TLL1: variants seen among roughly 807,000 people sequenced by gnomAD.
The protein encoded by TLL1 is tolloid like 1, also known as tolloid-like protein 1.
Under a neutral mutation model 128.2 loss-of-function variants are expected in TLL1, and 49 were observed. The ratio of observed to expected loss-of-function variants is 0.38; its 90% confidence interval spans 0.30 to 0.48. The LOEUF is 0.48. Ranked by LOEUF, TLL1 falls within the 20% of genes least tolerant of loss-of-function variation. TLL1 has a pLI of 0.96. For missense variants in TLL1, 1,123 were observed against 1,242.0 expected, an observed-to-expected ratio of 0.90 and a Z score of 1.44; for synonymous variants, 454 against 418.8, an observed-to-expected ratio of 1.08 and a Z score of -1.03.
rs774811274 is a variant in TLL1, at chr4:166,091,098, T to TA, written c.2443-23dup. 9 of 1,574,786 alleles carry TA rather than the reference T, an allele frequency of 5.7e-6. No individual in the cohort carries two copies. In the African/African-American group the frequency reaches 1.2e-4, roughly 22 times the overall value. ...TCATTTTGAGTGATTTGTTTTTTTT[T>TA]AAAAAAATTATTTCTTCTTTTTAAA... On this transcript the variant is annotated intron_variant, in intron 18 of 20. Transcript: ENST00000061240.
chr4:166,077,788 T>TA, intron 17 of TLL1, 115 bp from the exon 18 acceptor site: 1 of 1,415,680 alleles, frequency 7.1e-7, no homozygotes, highest in African/African-American at 1.4e-5. Flanking sequence ...GAGTGAAAAT[T>TA]AGCTGGTATT....
chr4:165,981,606 A>G (rs1191653888), intron 1 of TLL1, among the ~76,000 whole-genome samples: 1 of 152,036 alleles, frequency 6.6e-6, no homozygotes, highest in African/African-American at 2.4e-5. Flanking sequence ...AGTTATTTAT[A>G]AAGATTTTAT....
intron 1 of TLL1, among the ~76,000 whole-genome samples, chr4:165,924,798 C>T (rs1484267600): frequency 6.6e-6 from 1 of 152,180 alleles, no homozygotes; most frequent in South Asian, 2.1e-4. Flanking sequence ...GACAGGCTGA[C>T]TCTTTTGTTA....
In TLL1 at chr4:165,873,852, G is replaced by A. The variant is rs1172303684; in HGVS notation, c.-53G>A. 6 of 1,606,280 alleles carry A rather than the reference G, an allele frequency of 3.7e-6. No individual in the cohort carries two copies. Among genetic ancestry groups the A allele is most frequent in the Middle Eastern group, 2.2e-4 (1 of 4,550 alleles). On this transcript the variant is annotated 5_prime_UTR_variant, in exon 1 of 21. Coordinates refer to ENST00000061240, the MANE Select transcript of TLL1 (RefSeq NM_012464.5). ...CTAGCCCCGCACATCAGCGCGGACCGCGGCTGCCTAACCTCTGGGTCCCGT... is the reference window on the plus strand; with the variant it reads ...CTAGCCCCGCACATCAGCGCGGACCACGGCTGCCTAACCTCTGGGTCCCGT...
rs142906714 is a variant in TLL1, at chr4:166,088,735, G to A, written c.2443-2393G>A. 2.6e-3 allele frequency among the ~76,000 whole-genome samples: 389 copies of A among 152,208 alleles called. 1 individual carries two copies. The highest frequency in any genetic ancestry group is 0.01 in the Middle Eastern group (3 of 294). On this transcript the variant is annotated intron_variant, in intron 18 of 20. Transcript: ENST00000061240. ...TTACAGACTCAGTCTGATTCCACCAGTAATTTGATAAAGAGCTGTAGCCAG... is the reference window on the plus strand; with the variant it reads ...TTACAGACTCAGTCTGATTCCACCAATAATTTGATAAAGAGCTGTAGCCAG...
chr4:165,975,724 A>G (rs1263451481), intron 1 of TLL1, among the ~76,000 whole-genome samples: 1 of 152,110 alleles, frequency 6.6e-6, no homozygotes, highest in Non-Finnish European at 1.5e-5. Flanking sequence ...TCAATGGGAA[A>G]CTATTAGAAG....
intron 6 of TLL1, among the ~76,000 whole-genome samples, chr4:166,006,208 G>A (rs180709672): frequency 1.3e-5 from 2 of 151,848 alleles, no homozygotes; most frequent in Admixed American, 6.6e-5. Context: ...TCTAATTCAT[G>A]TTAGAATATG....
chr4:165,873,651 T>C lies in TLL1; in HGVS notation c.-254T>C, dbSNP rs976238756. 6.6e-5 allele frequency: 29 copies of C among 442,020 alleles called. No individual in the cohort carries two copies. Among genetic ancestry groups the C allele is most frequent in the Admixed American group, 1.8e-4 (5 of 27,728 alleles). 27.4% of individuals were successfully genotyped at this position (442,020 alleles called of 1,614,324 possible). ...GCCCTCCCCGCCTCCGAGTGCAGAG[T>C]TCCTTACCTGCCCTCCGCCCACCCG... On this transcript the variant is annotated 5_prime_UTR_variant, in exon 1 of 21. Coordinates refer to ENST00000061240, the MANE Select transcript of TLL1 (RefSeq NM_012464.5).
chr4:166,062,875 T>C (rs1209393442), intron 15 of TLL1, among the ~76,000 whole-genome samples: 1 of 152,172 alleles, frequency 6.6e-6, no homozygotes, highest in Non-Finnish European at 1.5e-5. Context: ...TAGCTGTTAT[T>C]ATTTTGAGAT....
intron 12 of TLL1, 63 bp downstream of exon 12, chr4:166,043,482 G>T: frequency 6.2e-7 from 1 of 1,601,658 alleles, no homozygotes; most frequent in South Asian, 1.1e-5. Flanking sequence ...GCATTTAAGA[G>T]AATCCTCATT....
In TLL1 at chr4:166,101,816, T is replaced by A. The variant is rs929247583; in HGVS notation, c.*940T>A. 5 of 152,460 alleles carry A rather than the reference T, an allele frequency of 3.3e-5. No homozygotes were observed. The highest frequency in any genetic ancestry group is 2.6e-4 in the Admixed American group (4 of 15,226). 9.4% of individuals were successfully genotyped at this position (152,460 alleles called of 1,614,324 possible). ...GTTATTGTTGTATTATTATTGTTGATGTTGTCATGGTTAATCTATTTTTTA... is the reference window on the plus strand; with the variant it reads ...GTTATTGTTGTATTATTATTGTTGAAGTTGTCATGGTTAATCTATTTTTTA... On this transcript the variant is annotated 3_prime_UTR_variant, in exon 21 of 21. Transcript: ENST00000061240.
At chr4:165,929,537 CA>C (rs71604413) in intron 1 of TLL1, among the ~76,000 whole-genome samples, 466 of 134,062 alleles carry the variant, frequency 3.5e-3, no homozygotes, top group South Asian at 0.01. Flanking sequence ...GACTCCATCT[CA>C]AAAAAAAAAA....
At chr4:165,943,536 C>T (rs1734112526) in intron 1 of TLL1, among the ~76,000 whole-genome samples, 1 of 151,958 alleles carries the variant, frequency 6.6e-6, no homozygotes, top group African/African-American at 2.4e-5. Flanking sequence ...AATAAAACTG[C>T]TTATCTCCTT....
rs565311034 is a variant in TLL1 at position 166,011,317 on chromosome 4, C to G, written c.918-3119C>G. ...GGGATCTTTGTCTCTTCTTTAATTT[C>G]TTTCAGCAGTGTCTTTAGTTTTCAG... On this transcript the variant is annotated intron_variant, in intron 7 of 20. Transcript: ENST00000061240. 4.6e-5 allele frequency among the ~76,000 whole-genome samples: 7 copies of G among 151,426 alleles called. No individual in the cohort carries two copies. In the South Asian group the frequency reaches 1.5e-3, roughly 31 times the overall value.
chr4:165,893,182 T>A (rs1054456121), intron 1 of TLL1, among the ~76,000 whole-genome samples: 5 of 152,188 alleles, frequency 3.3e-5, no homozygotes, highest in Admixed American at 2.6e-4. Flanking sequence ...CTACATAAAA[T>A]CTTAACAAAT....
In TLL1 at chr4:166,099,273, G is replaced by A. The variant is rs1199152469; in HGVS notation, c.2657-4G>A. 1.9e-6 allele frequency: 3 copies of A among 1,613,324 alleles called. No individual in the cohort carries two copies. Among genetic ancestry groups the A allele is most frequent in the Non-Finnish European group, 2.5e-6 (3 of 1,179,578 alleles). On this transcript the variant is annotated splice_region_variant and splice_polypyrimidine_tract_variant and intron_variant, in intron 19 of 20. Transcript: ENST00000061240. ...TACTCATCTTATTTTTCTTTCCTGG[G>A]CAGAGTGTGGCGGACGATTGAAAGC... is the stretch of plus-strand genomic sequence containing the variant.
At chr4:165,897,760 G>A (rs576004462) in intron 1 of TLL1, among the ~76,000 whole-genome samples, 10 of 125,450 alleles carry the variant, frequency 8.0e-5, no homozygotes, top group African/African-American at 3.0e-4. Flanking sequence ...TTCTAATTCT[G>A]TGAAGAAAGT....
At chr4:166,092,984 C>T (rs559555365) in intron 19 of TLL1, among the ~76,000 whole-genome samples, 4 of 150,462 alleles carry the variant, frequency 2.7e-5, no homozygotes, top group Admixed American at 2.1e-4. Context: ...GACTTCTGCC[C>T]GTGCACGCCA....
At chr4:165,903,863 T>C (rs1732125331) in intron 1 of TLL1, among the ~76,000 whole-genome samples, 1 of 152,058 alleles carries the variant, frequency 6.6e-6, no homozygotes, top group Non-Finnish European at 1.5e-5. Flanking sequence ...GTTTCATGGG[T>C]GGATGCTTAC....
Sources: allele counts gnomAD v4.1 joint callset (sites outside exome capture counted in the v4.1 genomes callset), GRCh38; gene constraint gnomAD v4.1.1; transcripts MANE v1.5; gene names NCBI Gene and HGNC (gene_info 2026-07-23, HGNC 2026-07-21).